The following TPM4 variants were observed in gnomAD, a reference collection of about 807,000 sequenced individuals.
TPM4 encodes tropomyosin 4.
In TPM4, 17 loss-of-function variants were observed where a neutral mutation model predicts 35.8. That is an observed-to-expected ratio of 0.47 (90% CI 0.32 to 0.71). TPM4 has a LOEUF of 0.71. Ranked by LOEUF, TPM4 falls within the 30% of genes least tolerant of loss-of-function variation. The probability of loss-of-function intolerance (pLI) is 0.03; values close to 1 mark genes in which losing one functional copy is unlikely to be tolerated. For synonymous variants in TPM4, 120 were observed against 122.9 expected (o/e 0.98, Z 0.15); for missense variants, 240 against 320.9 (o/e 0.75, Z 1.93).
chr19:16,079,081 A>AGTTTTTCAAAATTTTGTAT (rs2090449462), intron 1 of TPM4, among the ~76,000 whole-genome samples: 2 of 152,214 alleles, frequency 1.3e-5, no homozygotes, highest in Non-Finnish European at 2.9e-5. Flanking sequence ...CGTGACTAGC[A>AGTTTTTCAAAATTTTGTAT]GTTTTTCAAA....
At chr19:16,068,613 CTA>C (rs769181792) in intron 2 of TPM4, among the ~76,000 whole-genome samples, 26 of 152,214 alleles carry the variant, frequency 1.7e-4, no homozygotes, top group Admixed American at 6.5e-4. Context: ...CTGTGTGTAT[CTA>C]TGTGTTTAAG....
At chr19:16,086,669 T>C (rs573050091) in intron 3 of TPM4, 129 bp downstream of exon 3, 3 of 725,488 alleles carry the variant, frequency 4.1e-6, no homozygotes, top group East Asian at 2.7e-5. Flanking sequence ...CGTGAACATA[T>C]GTTTGTCCAG....
chr19:16,098,320 G>A (rs1190439947), intron 7 of TPM4, among the ~76,000 whole-genome samples: 2 of 152,116 alleles, frequency 1.3e-5, no homozygotes, highest in African/African-American at 4.8e-5. Flanking sequence ...ATGGGGGCCT[G>A]TAATCCCAGC....
intron 2 of TPM4, among the ~76,000 whole-genome samples, chr19:16,068,128 C>T (rs1599354015): frequency 6.7e-6 from 1 of 149,874 alleles, no homozygotes; most frequent in Non-Finnish European, 1.5e-5. Flanking sequence ...TGTGTGTGTA[C>T]GTGTGTGCGT....
At chr19:16,075,377 T>C (rs1025885019), upstream of TPM4, 2 of 152,090 alleles carry the variant, frequency 1.3e-5, no homozygotes, top group African/African-American at 4.8e-5. Context: ...ACATGGCCTA[T>C]ATGCAAAAAT....
In TPM4 at chr19:16,096,936, C is replaced by CTTTTTTTTTT. The variant is rs71178641; in HGVS notation, c.664+3208_664+3217dup. Among the ~76,000 whole-genome samples, 80 of 69,048 alleles carry CTTTTTTTTTT rather than the reference C, an allele frequency of 1.2e-3. 20 individuals carry two copies. Among genetic ancestry groups the CTTTTTTTTTT allele is most frequent in the Admixed American group, 1.3e-3 (6 of 4,496 alleles). The allele number at this position is 69,048 out of a possible 152,430, so 45.3% of individuals were successfully genotyped here. A position where few individuals can be genotyped will look rare whatever the true frequency, so the allele number is the denominator to read the frequency against. On this transcript the variant is annotated intron_variant, in intron 7 of 7. Coordinates refer to ENST00000643579, the MANE Select transcript of TPM4 (RefSeq NM_003290.3). ...GGAATATGGAGAAAACAAGGTCACTCTTTTTTTTTTTTTTTTTTTTTTTTT... is the reference window on the plus strand; with the variant it reads ...GGAATATGGAGAAAACAAGGTCACTCTTTTTTTTTTTTTTTTTTTTTTTTTTTTTTTTTTT...
At chr19:16,088,556 C>T in intron 4 of TPM4, 1 of 1,041,420 alleles carries the variant, frequency 9.6e-7, no homozygotes, top group Non-Finnish European at 1.2e-6. Flanking sequence ...CACCGAAAAA[C>T]AAAACACCTG....
At chr19:16,085,563 C>T (rs2090540130) in intron 2 of TPM4, among the ~76,000 whole-genome samples, 3 of 152,094 alleles carry the variant, frequency 2.0e-5, no homozygotes, top group African/African-American at 4.8e-5. Context: ...GAGACACCAT[C>T]TCTCAAAATA....
intron 7 of TPM4, chr19:16,099,734 T>G (rs928396492): frequency 2.8e-4 from 43 of 152,238 alleles, no homozygotes; most frequent in African/African-American, 9.9e-4. Context: ...AGCCATCACT[T>G]ACTGCAAACT....
At chr19:16,093,836 G>T (rs2090660031) in intron 7 of TPM4, 83 bp downstream of exon 7, 1 of 1,523,382 alleles carries the variant, frequency 6.6e-7, no homozygotes, top group African/African-American at 1.4e-5. Context: ...AATGTTTGTG[G>T]AGGGGCTGGG....
chr19:16,085,882 A>G lies in TPM4; in HGVS notation c.267-541A>G, dbSNP rs1372084560. Among the ~76,000 whole-genome samples the G allele has an allele frequency of 2.6e-5, 4 of 152,048 alleles. No individual in the cohort carries two copies. In the East Asian group the frequency reaches 7.8e-4, roughly 29 times the overall value. ...TCAGGAGTTCCAGACCAGCCTGGCC[A>G]ACATGGCGAAACCCCCTCTCTACTA... is the stretch of plus-strand genomic sequence containing the variant. On this transcript the variant is annotated intron_variant, in intron 2 of 7. Transcript: ENST00000643579.
chr19:16,071,387 A>ATG (rs60206798), intron 2 of TPM4, among the ~76,000 whole-genome samples: 1,949 of 152,102 alleles, frequency 0.013, 43 homozygotes, highest in African/African-American at 0.045. Flanking sequence ...GGGTCTCACT[A>ATG]TTGCCCAGGC....
chr19:16,069,259 TTA>T (rs1275446433), intron 2 of TPM4, among the ~76,000 whole-genome samples: 1 of 150,214 alleles, frequency 6.7e-6, no homozygotes, highest in Non-Finnish European at 1.5e-5. Context: ...GTTGGTGTGT[TTA>T]TGTGTATGAG....
rs535082534 is a variant in TPM4 at position 16,070,306 on chromosome 19, G to C, written c.114+2568G>C. On this transcript the variant is annotated intron_variant, in intron 2 of 2. Coordinates refer to the TPM4 transcript ENST00000589897. This position sits in a 1 kb window ranked among gnomAD's most constrained non-coding sequence, Gnocchi z 7.4. ...AAGGCCGTGGCCATGGTTTGGGGCAGAGCAGACAGGAGCAGTGGGTGGGAG... is the reference window on the plus strand; with the variant it reads ...AAGGCCGTGGCCATGGTTTGGGGCACAGCAGACAGGAGCAGTGGGTGGGAG... 1.6e-4 allele frequency among the ~76,000 whole-genome samples: 24 copies of C among 152,280 alleles called. No individual in the cohort carries two copies. Among genetic ancestry groups the C allele is most frequent in the African/African-American group, 5.5e-4 (23 of 41,530 alleles).
chr19:16,077,441 C>T (rs1314228201), intron 1 of TPM4: 1 of 152,214 alleles, frequency 6.6e-6, no homozygotes, highest in African/African-American at 2.4e-5. Flanking sequence ...CTGCTGTGCG[C>T]CTCCGCCGCG....
upstream of TPM4, chr19:16,076,371 G>C: frequency 1.5e-5 from 21 of 1,437,156 alleles, no homozygotes; most frequent in Non-Finnish European, 1.7e-5. Flanking sequence ...CCCTCCCCCA[G>C]CGGTGCTGAC....
chr19:16,081,848 G>T, intron 1 of TPM4, 65 bp from the exon 2 acceptor site: 1 of 1,505,398 alleles, frequency 6.6e-7, no homozygotes, highest in Non-Finnish European at 9.0e-7. Context: ...GCAGGACATG[G>T]GGGAGGCTCC....
At position 16,088,307 on chromosome 19, in the gene TPM4, C is replaced by T. The variant is rs2090584372; in HGVS notation, c.455+210C>T. ...ATGGGAAGCACTGCCCACGTGTTGACCCTTTCTGCAAAGATATGAGGAAAT... is the reference window on the plus strand; with the variant it reads ...ATGGGAAGCACTGCCCACGTGTTGATCCTTTCTGCAAAGATATGAGGAAAT... On this transcript the variant is annotated intron_variant, in intron 4 of 7. Coordinates refer to ENST00000643579, the MANE Select transcript of TPM4 (RefSeq NM_003290.3). 2.9e-6 allele frequency: 4 copies of T among 1,393,596 alleles called. No individual in the cohort carries two copies. The Admixed American group carries it at 1.1e-4, about 39-fold the overall frequency. 86.3% of individuals were successfully genotyped at this position (1,393,596 alleles called of 1,614,324 possible). A position where few individuals can be genotyped will look rare whatever the true frequency, so the allele number is the denominator to read the frequency against.
At chr19:16,076,400 T>A (rs2090405611), upstream of TPM4, 1 of 1,376,350 alleles carries the variant, frequency 7.3e-7, no homozygotes, top group Admixed American at 3.8e-5. Flanking sequence ...TCCGGCCGGG[T>A]GACCTCATCG....
Sources: allele counts gnomAD v4.1 joint callset (sites outside exome capture counted in the v4.1 genomes callset), GRCh38; gene constraint gnomAD v4.1.1; non-coding constraint Gnocchi (gnomAD v3.1); transcripts MANE v1.5; gene names NCBI Gene and HGNC (gene_info 2026-07-23, HGNC 2026-07-21).